MAPK7: variants seen among roughly 807,000 people sequenced by gnomAD.
The protein encoded by MAPK7 is BMK-1.
In MAPK7, 30 loss-of-function variants were observed where a neutral mutation model predicts 56.9. The ratio of observed to expected loss-of-function variants is 0.53; its 90% CI spans 0.39 to 0.72. The LOEUF is 0.72. Ranked by LOEUF, MAPK7 falls within the 30% of genes least tolerant of loss-of-function variation. The pLI, the probability that MAPK7 is intolerant of heterozygous loss-of-function variation, is 0.00. For synonymous variants in MAPK7, 516 were observed against 449.3 expected, an observed-to-expected ratio of 1.15 and a Z score of -1.88; for missense variants, 952 against 1,110.8, an observed-to-expected ratio of 0.86 and a Z score of 2.03.
chr17:19,379,437 A>C, intron 2 of MAPK7: 1 of 558,784 alleles, frequency 1.8e-6, no homozygotes, highest in Non-Finnish European at 3.2e-6. Flanking sequence ...AGACACTGGC[A>C]TAAGGAACTG....
At position 19,381,319 on chromosome 17, in the gene MAPK7, A is replaced by G. The variant is rs1369381636; in HGVS notation, c.1110A>G (p.Glu370=). 1 of 1,614,008 alleles carries G rather than the reference A, an allele frequency of 6.2e-7. No homozygotes were observed. Among genetic ancestry groups the G allele is most frequent in the South Asian group, 1.1e-5 (1 of 91,094 alleles). ...CCTTTGACTTTGCCTTTGACCGCGA[A>G]GCCCTCACTCGGGAGCGCATTAAGG... The part of the protein sequence containing the change: ...APPFDFAFDR[E]ALTRERIKEA... Residue 370 remains glutamate, a synonymous_variant, in exon 4 of 7, where the codon GAA becomes GAG. Coordinates refer to ENST00000395604, the MANE Select transcript of MAPK7 (RefSeq NM_002749.4). This position sits in a 1 kb window ranked among gnomAD's most constrained non-coding sequence, Gnocchi z 4.6.
chr17:19,382,802 A>G lies in MAPK7; in HGVS notation c.2164-11A>G, dbSNP rs757458104. The G allele has an allele frequency of 1.2e-6, 2 of 1,613,724 alleles. No individual in the cohort carries two copies. Among genetic ancestry groups the G allele is most frequent in the South Asian group, 2.2e-5 (2 of 91,052 alleles). ...CAGTCTGTCTGCATTGTAACCTGTC[A>G]TTCCCTGCAGGTGGAGGACCCCCTG... On this transcript the variant is annotated splice_polypyrimidine_tract_variant and intron_variant, in intron 5 of 6. Coordinates refer to ENST00000395604, the MANE Select transcript of MAPK7 (RefSeq NM_002749.4).
chr17:19,379,772 T>C lies in MAPK7; in HGVS notation c.233-10T>C, dbSNP rs569241071. ...TATCCTCTGGTATGTCCCTTTTCCC[T>C]GCTCCTCAGGCCAGCAGGTGGCCAT... is the stretch of plus-strand genomic sequence containing the variant. On this transcript the variant is annotated splice_polypyrimidine_tract_variant and intron_variant, in intron 2 of 6. Transcript: ENST00000395604. The C allele has an allele frequency of 8.1e-6, 13 of 1,613,488 alleles. No individual in the cohort carries two copies. The South Asian group carries it at 1.4e-4, about 18-fold the overall frequency.
At position 19,382,414 on chromosome 17, in the gene MAPK7, TGTCAGA is replaced by T; in HGVS notation, c.2116_2121del (p.Glu706_Ser707del). The T allele has an allele frequency of 6.2e-7, 1 of 1,611,820 alleles. No homozygotes were observed. The highest frequency in any genetic ancestry group is 8.5e-7 in the Non-Finnish European group (1 of 1,179,048). ...GCCGGGGGAGCCCCTCAGTCTTCCATGTCAGAGTCACCTGATGTCAACCTTGTGACC... is the reference window on the plus strand; with the variant it reads ...GCCGGGGGAGCCCCTCAGTCTTCCATGTCACCTGATGTCAACCTTGTGACC... On this transcript the variant is annotated inframe_deletion, in exon 5 of 7. Coordinates refer to ENST00000395604, the MANE Select transcript of MAPK7 (RefSeq NM_002749.4).
Position 19,380,997 on chromosome 17 carries a change from C to A in MAPK7, c.788C>A (p.Pro263Gln), listed in dbSNP as rs751906877. The A allele has an allele frequency of 2.5e-6, 4 of 1,614,042 alleles. No homozygotes were observed. The highest frequency in any genetic ancestry group is 1.7e-5 in the Admixed American group (1 of 60,010). The change falls in exon 4 of 7, where the codon CCA (proline) becomes CAA (glutamine). Residue 263 changes from proline to glutamine, a missense_variant. By Grantham distance (76) the Pro-to-Gln change is moderately conservative. Transcript: ENST00000395604. The part of the protein sequence containing the change: ...GEMLARRQLF[P>Q]GKNYVHQLQL... ...ATGCTGGCCCGGCGCCAGCTCTTCCCAGGCAAAAACTATGTACACCAGCTA... is the reference window on the plus strand; with the variant it reads ...ATGCTGGCCCGGCGCCAGCTCTTCCAAGGCAAAAACTATGTACACCAGCTA...
chr17:19,378,362 C>T (rs1356010683), upstream of MAPK7: 2 of 988,288 alleles, frequency 2.0e-6, no homozygotes, highest in Non-Finnish European at 2.4e-6. The surrounding 1 kb of genome is among the most constrained non-coding windows in gnomAD (Gnocchi z 5.4). Context: ...GCGCGCCAGG[C>T]GTGGCTTTCT....
In MAPK7 at chr17:19,378,795, T is replaced by G; in HGVS notation, c.-5-101T>G. ...AGCCGCGCGCTTCTGCCCTTGTCGGTTTAGGAAACTGGGAAGTTCCCTGGT... is the reference window on the plus strand; with the variant it reads ...AGCCGCGCGCTTCTGCCCTTGTCGGGTTAGGAAACTGGGAAGTTCCCTGGT... On this transcript the variant is annotated intron_variant, in intron 1 of 6. Transcript: ENST00000395604. The surrounding 1 kb of genome is among the most constrained non-coding windows in gnomAD (Gnocchi z 5.4). 1.5e-6 allele frequency: 2 copies of G among 1,314,612 alleles called. No homozygotes were observed. Among genetic ancestry groups the G allele is most frequent in the South Asian group, 1.5e-5 (1 of 67,720 alleles). The allele number at this position is 1,314,612 out of a possible 1,614,324, so 81.4% of individuals were successfully genotyped here.
In MAPK7 at chr17:19,382,005, C is replaced by T. The variant is rs1253412990; in HGVS notation, c.1702C>T (p.Leu568=). ...GLVLSDNDRS[L]LERWTRMARP... is the part of the protein sequence containing the mutation. ...AGTGCTCAGTGACAATGACAGAAGC[C>T]TGTTGGAACGCTGGACTCGAATGGC... Residue 568 remains leucine (L), a synonymous_variant, in exon 5 of 7, where the codon CTG becomes TTG. Transcript: ENST00000395604. The T allele has an allele frequency of 6.4e-7, 1 of 1,554,154 alleles. No individual in the cohort carries two copies. Among genetic ancestry groups the T allele is most frequent in the Non-Finnish European group, 8.7e-7 (1 of 1,148,596 alleles).
At position 19,378,992 on chromosome 17, in the gene MAPK7, C is replaced by T. The variant is rs546912846; in HGVS notation, c.92C>T (p.Ser31Phe). ...GCCGAACCCGCCCACACCGCTGCCT[C>T]TGTAGCGGCCAAGAACCTGGCCCTG... Reference protein sequence around the residue: ...VKAEPAHTAASVAAKNLALLK... With the variant: ...VKAEPAHTAAFVAAKNLALLK... The change falls in exon 2 of 7, where the codon TCT becomes TTT. Residue 31 changes from serine (S) to phenylalanine (F), a missense_variant. Coordinates refer to ENST00000395604, the MANE Select transcript of MAPK7 (RefSeq NM_002749.4). The surrounding 1 kb of genome is among the most constrained non-coding windows in gnomAD (Gnocchi z 5.4). 8.7e-6 allele frequency: 14 copies of T among 1,612,170 alleles called. No homozygotes were observed. In the East Asian group the frequency reaches 2.0e-4, roughly 23 times the overall value.
At position 19,378,559 on chromosome 17, in the gene MAPK7, C is replaced by T; in HGVS notation, c.-77C>T. ...TTTGAACAAGTAAGTGAGCCACCCT[C>T]GGAGACCCCCGCGCTGGGGACGGGA... On this transcript the variant is annotated 5_prime_UTR_variant, in exon 1 of 7. Transcript: ENST00000395604. This position sits in a 1 kb window ranked among gnomAD's most constrained non-coding sequence, Gnocchi z 5.4. 8.4e-7 allele frequency: 1 copy of T among 1,195,168 alleles called. No individual in the cohort carries two copies. The highest frequency in any genetic ancestry group is 1.0e-6 in the Non-Finnish European group (1 of 957,856). 74.0% of individuals were successfully genotyped at this position (1,195,168 alleles called of 1,614,324 possible). A position where few individuals can be genotyped will look rare whatever the true frequency, so the allele number is the denominator to read the frequency against.
rs756554617 is a variant in MAPK7, at chr17:19,382,822, C to T, written c.2173C>T (p.Pro725Ser). Residue 725 changes from proline to serine, a missense_variant, in exon 6 of 7, where the codon CCC (proline) becomes TCC (serine). Coordinates refer to ENST00000395604, the MANE Select transcript of MAPK7 (RefSeq NM_002749.4). ...QQLSKSQVED[P>S]LPPVFSGTPK... is the part of the protein sequence containing the mutation. The stretch of plus-strand genomic sequence containing the variant: ...CTGTCATTCCCTGCAGGTGGAGGAC[C>T]CCCTGCCCCCTGTGTTCTCAGGCAC... The T allele has an allele frequency of 5.6e-6, 9 of 1,614,146 alleles. No individual in the cohort carries two copies. In the South Asian group the frequency reaches 7.7e-5, roughly 14 times the overall value.
chr17:19,379,915 G>A lies in MAPK7; in HGVS notation c.366G>A (p.Arg122=), dbSNP rs754906032. 9 of 1,614,192 alleles carry A rather than the reference G, an allele frequency of 5.6e-6. No homozygotes were observed. The South Asian group carries it at 9.9e-5, about 18-fold the overall frequency. The part of the protein sequence containing the change: ...DNIIAIKDIL[R]PTVPYGEFKS... ...TCATCGCCATCAAGGACATCCTGAG[G>A]CCCACCGTGCCCTATGGCGAATTCA... is the stretch of plus-strand genomic sequence containing the variant. Residue 122 remains arginine (R), a synonymous_variant, in exon 3 of 7, where the codon AGG becomes AGA. Coordinates refer to ENST00000395604, the MANE Select transcript of MAPK7 (RefSeq NM_002749.4).
Position 19,382,190 on chromosome 17 carries a change from C to T in MAPK7, c.1887C>T (p.Pro629=). 2 of 1,612,504 alleles carry T rather than the reference C, an allele frequency of 1.2e-6. No individual in the cohort carries two copies. Among genetic ancestry groups the T allele is most frequent in the Non-Finnish European group, 1.7e-6 (2 of 1,179,736 alleles). Residue 629 remains proline, a synonymous_variant, in exon 5 of 7, where the codon CCC becomes CCT. Transcript: ENST00000395604. ...CGGGCTCTACCTCTGGCCCTGTACC[C>T]CAGCCTGCCTGCCCACCCCCTGGCC... The part of the protein sequence containing the change: ...QSAGSTSGPV[P]QPACPPPGPA...
chr17:19,378,310 G>A, upstream of MAPK7: 1 of 987,906 alleles, frequency 1.0e-6, no homozygotes, highest in Non-Finnish European at 1.2e-6. This position sits in a 1 kb window ranked among gnomAD's most constrained non-coding sequence, Gnocchi z 5.4. Flanking sequence ...CGAAGTGCCG[G>A]GCACCCTTTG....
intron 3 of MAPK7, 71 bp from the exon 4 acceptor site, chr17:19,380,537 G>T: frequency 8.5e-6 from 13 of 1,521,810 alleles, no homozygotes; most frequent in Non-Finnish European, 1.1e-5. Flanking sequence ...GGAAGGGTGT[G>T]GTGAGGATGG....
chr17:19,383,357 C>T lies in MAPK7; in HGVS notation c.*126C>T. On this transcript the variant is annotated 3_prime_UTR_variant, in exon 7 of 7. Coordinates refer to ENST00000395604, the MANE Select transcript of MAPK7 (RefSeq NM_002749.4). ...CTTGGATTATTCTGCAGGTTCATCT[C>T]AGACCCACCTTTCAGCCTTAAGCAG... 1 of 1,085,044 alleles carries T rather than the reference C, an allele frequency of 9.2e-7. No individual in the cohort carries two copies. Among genetic ancestry groups the T allele is most frequent in the Non-Finnish European group, 1.3e-6 (1 of 773,130 alleles). 67.2% of individuals were successfully genotyped at this position (1,085,044 alleles called of 1,614,324 possible). A position where few individuals can be genotyped will look rare whatever the true frequency, so the allele number is the denominator to read the frequency against.
rs1912315835 is a variant in MAPK7 at position 19,378,633 on chromosome 17, G to C, written c.-6+3G>C. 1 of 1,349,486 alleles carries C rather than the reference G, an allele frequency of 7.4e-7. No individual in the cohort carries two copies. The highest frequency in any genetic ancestry group is 1.5e-5 in the African/African-American group (1 of 66,702). 83.6% of individuals were successfully genotyped at this position (1,349,486 alleles called of 1,614,324 possible). A position where few individuals can be genotyped will look rare whatever the true frequency, so the allele number is the denominator to read the frequency against. ...GAAAGCCTTGAGGAGGCGCGGGGGT[G>C]AGTGCGGCCCTGAGGAAACCCAGGT... On this transcript the variant is annotated splice_donor_region_variant and intron_variant, in intron 1 of 6. Coordinates refer to ENST00000395604, the MANE Select transcript of MAPK7 (RefSeq NM_002749.4). This position sits in a 1 kb window ranked among gnomAD's most constrained non-coding sequence, Gnocchi z 5.4.
Position 19,380,828 on chromosome 17 carries a change from C to T in MAPK7, c.619C>T (p.Leu207=), listed in dbSNP as rs1457914666. 5 of 1,613,498 alleles carry T rather than the reference C, an allele frequency of 3.1e-6. No individual in the cohort carries two copies. In the South Asian group the frequency reaches 5.5e-5, roughly 18 times the overall value. The change falls in exon 4 of 7, where the codon CTG becomes TTG. Residue 207 remains leucine, a synonymous_variant. Transcript: ENST00000395604. ...TGGTGACTTTGGTATGGCTCGTGGC[C>T]TGTGCACCTCGCCCGCTGAACATCA... ...KIGDFGMARG[L]CTSPAEHQYF...
Position 19,383,537 on chromosome 17 carries a change from G to A in MAPK7, c.*306G>A, listed in dbSNP as rs776783799. On this transcript the variant is annotated 3_prime_UTR_variant, in exon 7 of 7. Coordinates refer to ENST00000395604, the MANE Select transcript of MAPK7 (RefSeq NM_002749.4). ...CCTGTGAAATACAAGGTTCCCTTCTGCACCTGACTCCAGGTGTAATTTTTG... is the reference window on the plus strand; with the variant it reads ...CCTGTGAAATACAAGGTTCCCTTCTACACCTGACTCCAGGTGTAATTTTTG... 12 of 201,918 alleles carry A rather than the reference G, an allele frequency of 5.9e-5. No homozygotes were observed. The highest frequency in any genetic ancestry group is 9.9e-5 in the Non-Finnish European group (10 of 101,504). 12.5% of individuals were successfully genotyped at this position (201,918 alleles called of 1,614,324 possible). A position where few individuals can be genotyped will look rare whatever the true frequency, so the allele number is the denominator to read the frequency against.
Sources: gnomAD v4.1 joint callset for allele counts on GRCh38, gnomAD v4.1.1 for gene constraint, Gnocchi (gnomAD v3.1) non-coding constraint, MANE v1.5 for transcripts, NCBI Gene and HGNC (gene_info 2026-07-23, HGNC 2026-07-21) for gene names.